Variants in PDLIM4 observed in about 807,000 individuals in gnomAD.
PDLIM4 encodes PDZ and LIM domain 4, also known as PDZ and LIM domain protein 4.
Under a neutral mutation model 31.3 loss-of-function variants are expected in PDLIM4, and 19 were observed. The observed-to-expected ratio is 0.61, with a 90% confidence interval of 0.42 to 0.89. The LOEUF (loss-of-function observed/expected upper bound fraction) is 0.89, where lower values mean the gene tolerates loss of function less well. Among genes scored for constraint, PDLIM4 ranks in the 40% least tolerant of loss-of-function variants. PDLIM4 has a pLI of 0.00. For missense variants in PDLIM4, 442 were observed against 461.1 expected (o/e 0.96, Z 0.38); for synonymous variants, 176 against 190.1 (o/e 0.93, Z 0.61).
In PDLIM4 at chr5:132,270,928, C is replaced by T. The variant is rs62384133; in HGVS notation, c.341C>T (p.Thr114Ile). 9 of 1,614,076 alleles carry T rather than the reference C, an allele frequency of 5.6e-6. No individual in the cohort carries two copies. The highest frequency in any genetic ancestry group is 6.8e-6 in the Non-Finnish European group (8 of 1,179,968). ...IDPEIQDGSP[T>I]TSRRPSGTGT... ...TCTCTCTAATAGGACGGCAGCCCAA[C>T]AACCAGCAGGCGGCCCTCAGGCACC... The change falls in exon 4 of 7, where the codon ACA becomes ATA. Residue 114 changes from threonine to isoleucine, a missense_variant. Thr to Ile is a moderately conservative substitution (Grantham distance 89). Coordinates refer to ENST00000253754, the MANE Select transcript of PDLIM4 (RefSeq NM_003687.4).
chr5:132,269,799 A>G (rs1326570645), intron 3 of PDLIM4, among the ~76,000 whole-genome samples: 2 of 152,110 alleles, frequency 1.3e-5, no homozygotes, highest in African/African-American at 4.8e-5. Flanking sequence ...GACCTACCCC[A>G]TGGCCTGGCC....
rs755069170 is a variant in PDLIM4, at chr5:132,271,869, A to G, written c.749A>G (p.Gln250Arg). The G allele has an allele frequency of 6.2e-7, 1 of 1,611,028 alleles. No homozygotes were observed. Among genetic ancestry groups the G allele is most frequent in the East Asian group, 2.2e-5 (1 of 44,810 alleles). ...SKLGAPLSGL[Q>R]GLPECTRCGH... ...CTGGGCGCTCCGCTGAGCGGCCTGC[A>G]GGGGCTGCCCGAGTGCACGCGCTGC... is the stretch of plus-strand genomic sequence containing the variant. Residue 250 changes from glutamine (Q) to arginine (R), a missense_variant, in exon 6 of 7, where the codon CAG becomes CGG. Transcript: ENST00000253754.
intron 2 of PDLIM4, among the ~76,000 whole-genome samples, chr5:132,265,886 G>C (rs542272202): frequency 1.3e-5 from 2 of 152,288 alleles, no homozygotes; most frequent in East Asian, 3.9e-4. Flanking sequence ...TTGGCTTTTG[G>C]TTTCTATGGC....
chr5:132,259,571 A>C (rs1159518172), intron 1 of PDLIM4, among the ~76,000 whole-genome samples: 1 of 152,166 alleles, frequency 6.6e-6, no homozygotes, highest in Non-Finnish European at 1.5e-5. Flanking sequence ...GGAGATTTAC[A>C]GCGCTGGGGA....
rs375227825 is a variant in PDLIM4 at position 132,269,556 on chromosome 5, A to G, written c.328-1359A>G. On this transcript the variant is annotated intron_variant, in intron 3 of 6. Transcript: ENST00000253754. ...CCTGTTTGTCTGTTGGGGTGGGGGA[A>G]ATGGAGGGGGGCCCACCCAACTGCT... 7.4e-4 allele frequency among the ~76,000 whole-genome samples: 113 copies of G among 151,678 alleles called. 1 individual carries two copies. Among genetic ancestry groups the G allele is most frequent in the African/African-American group, 2.7e-3 (111 of 41,352 alleles).
At chr5:132,271,737 A>G (rs1427893804) in intron 5 of PDLIM4, 54 bp from the exon 6 acceptor site, 2 of 1,259,606 alleles carry the variant, frequency 1.6e-6, no homozygotes, top group Non-Finnish European at 2.3e-6. Flanking sequence ...ACCCCGCAGA[A>G]ATGGAGTTCT....
At chr5:132,261,005 TG>T (rs1423552863) in intron 1 of PDLIM4, among the ~76,000 whole-genome samples, 1 of 152,212 alleles carries the variant, frequency 6.6e-6, no homozygotes, top group African/African-American at 2.4e-5. Flanking sequence ...GTGTGGGGAC[TG>T]GGGCATGGCA....
chr5:132,263,868 G>A (rs1464180402), intron 2 of PDLIM4, among the ~76,000 whole-genome samples: 1 of 152,218 alleles, frequency 6.6e-6, no homozygotes, highest in Admixed American at 6.5e-5. Context: ...CATCTTTGGA[G>A]TTCAGCAAAG....
intron 2 of PDLIM4, among the ~76,000 whole-genome samples, chr5:132,264,353 C>A (rs1756443761): frequency 6.6e-6 from 1 of 152,136 alleles, no homozygotes; most frequent in African/African-American, 2.4e-5. Context: ...GGCCATGGAG[C>A]AGATGAGAGC....
chr5:132,271,474 G>A lies in PDLIM4; in HGVS notation c.670+8G>A, dbSNP rs370384929. The stretch of plus-strand genomic sequence containing the variant: ...TAGAGGCCGGCGAGGGCGGTAAGAC[G>A]CCTGCCACCTGTCCCCATCTGCCTT... On this transcript the variant is annotated splice_region_variant and intron_variant, in intron 5 of 6. Transcript: ENST00000253754. 8.7e-6 allele frequency: 14 copies of A among 1,606,892 alleles called. No individual in the cohort carries two copies. In the African/African-American group the frequency reaches 1.5e-4, roughly 17 times the overall value.
chr5:132,257,785 G>C lies in PDLIM4; in HGVS notation c.51G>C (p.Leu17=), dbSNP rs1352108235. ...LRGPSPWGFR[L]VGGRDFSAPL... is the part of the protein sequence containing the mutation. ...GGCCTTCGCCCTGGGGCTTCCGCCT[G>C]GTGGGCGGCCGGGACTTCAGCGCGC... The change falls in exon 1 of 7, where the codon CTG becomes CTC. Residue 17 remains leucine (L), a synonymous_variant. Transcript: ENST00000253754. The surrounding 1 kb of genome is among the most constrained non-coding windows in gnomAD (Gnocchi z 4.3). 16 of 1,506,540 alleles carry C rather than the reference G, an allele frequency of 1.1e-5. No homozygotes were observed. Among genetic ancestry groups the C allele is most frequent in the Non-Finnish European group, 1.4e-5 (16 of 1,132,376 alleles). The allele number at this position is 1,506,540 out of a possible 1,614,324, so 93.3% of individuals were successfully genotyped here.
Position 132,273,080 on chromosome 5 carries a change from C to G in PDLIM4, c.*851C>G, listed in dbSNP as rs1756667893. 1 of 152,376 alleles carries G rather than the reference C, an allele frequency of 6.6e-6. No individual in the cohort carries two copies. Among genetic ancestry groups the G allele is most frequent in the Non-Finnish European group, 1.5e-5 (1 of 68,052 alleles). 9.4% of individuals were successfully genotyped at this position (152,376 alleles called of 1,614,324 possible). On this transcript the variant is annotated 3_prime_UTR_variant, in exon 7 of 7. Coordinates refer to ENST00000253754, the MANE Select transcript of PDLIM4 (RefSeq NM_003687.4). ...CGGCTTCCACCCCTCTCCTCAGAGT[C>G]CCGGCGTTTACCTCGTGGTGTGTTT...
intron 3 of PDLIM4, chr5:132,270,388 C>T (rs1384261474): frequency 6.5e-6 from 1 of 153,886 alleles, no homozygotes; most frequent in Non-Finnish European, 1.4e-5. Flanking sequence ...CTCAGCCTGC[C>T]CAAAGGGCCT....
chr5:132,271,026 C>G lies in PDLIM4; in HGVS notation c.439C>G (p.His147Asp). The change falls in exon 4 of 7, where the codon CAC becomes GAC. Residue 147 changes from histidine (H) to aspartate (D), a missense_variant. Transcript: ENST00000253754. ...ACAACCCCCTCGCTTTCCAGTCCCT[C>G]ACAATGGCAGCAGCGAGGCCACCCT... Reference protein sequence around the residue: ...YGQPPRFPVPHNGSSEATLPA... With the variant: ...YGQPPRFPVPDNGSSEATLPA... 6.2e-7 allele frequency: 1 copy of G among 1,614,134 alleles called. No homozygotes were observed. Among genetic ancestry groups the G allele is most frequent in the Non-Finnish European group, 8.5e-7 (1 of 1,179,998 alleles).
At chr5:132,270,875 G>A in intron 3 of PDLIM4, 40 bp from the exon 4 acceptor site, 1 of 1,580,696 alleles carries the variant, frequency 6.3e-7, no homozygotes, top group Non-Finnish European at 8.7e-7. Flanking sequence ...ATGGCTGGAG[G>A]CCAGAGGGTC....
chr5:132,270,955 G>A lies in PDLIM4; in HGVS notation c.368G>A (p.Gly123Glu), dbSNP rs200441506. The part of the protein sequence containing the change: ...PTTSRRPSGT[G>E]TGPEDGRPSL... The stretch of plus-strand genomic sequence containing the variant: ...ACCAGCAGGCGGCCCTCAGGCACCG[G>A]GACTGGGCCAGAAGATGGCAGACCA... Residue 123 changes from glycine to glutamate, a missense_variant, in exon 4 of 7, where the codon GGG becomes GAG. By Grantham distance (98) the Gly-to-Glu change is moderately conservative. Coordinates refer to ENST00000253754, the MANE Select transcript of PDLIM4 (RefSeq NM_003687.4). 6.2e-6 allele frequency: 10 copies of A among 1,614,140 alleles called. No individual in the cohort carries two copies. Among genetic ancestry groups the A allele is most frequent in the Non-Finnish European group, 8.5e-6 (10 of 1,180,000 alleles).
chr5:132,260,859 C>G (rs1335372012), intron 1 of PDLIM4, among the ~76,000 whole-genome samples: 1 of 152,154 alleles, frequency 6.6e-6, no homozygotes, highest in East Asian at 1.9e-4. Context: ...TCCCCTAGCT[C>G]AATAGAGCTG....
Position 132,271,084 on chromosome 5 carries a change from C to T in PDLIM4, c.497C>T (p.Pro166Leu), listed in dbSNP as rs761552732. The change falls in exon 4 of 7, where the codon CCA becomes CTA. Residue 166 changes from proline to leucine, a missense_variant. Pro to Leu is a moderately conservative substitution (Grantham distance 98). Coordinates refer to ENST00000253754, the MANE Select transcript of PDLIM4 (RefSeq NM_003687.4). ...CAGATGAGCACCCTGCATGTGTCTC[C>T]ACCCCCCAGGTAGCACAGAGATGCC... is the stretch of plus-strand genomic sequence containing the variant. ...PAQMSTLHVS[P>L]PPSADPARGL... The T allele has an allele frequency of 2.2e-5, 35 of 1,613,602 alleles. No individual in the cohort carries two copies. Among genetic ancestry groups the T allele is most frequent in the Admixed American group, 5.0e-5 (3 of 59,988 alleles).
At chr5:132,265,601 G>A (rs1756474361) in intron 2 of PDLIM4, among the ~76,000 whole-genome samples, 1 of 152,342 alleles carries the variant, frequency 6.6e-6, no homozygotes, top group Middle Eastern at 3.4e-3. Context: ...CTCAACTGAA[G>A]GGGGCAGAAG....
Sources: gnomAD v4.1 joint callset for allele counts (sites outside exome capture counted in the v4.1 genomes callset) on GRCh38, gnomAD v4.1.1 for gene constraint, Gnocchi (gnomAD v3.1) non-coding constraint, MANE v1.5 for transcripts, NCBI Gene and HGNC (gene_info 2026-07-23, HGNC 2026-07-21) for gene names.